Variants in GRID2 observed in about 807,000 individuals in gnomAD.
GRID2 encodes the protein glutamate receptor ionotropic, delta-2.
GRID2 carries 33 observed loss-of-function variants against 114.8 expected under a neutral mutation model. That is an observed-to-expected ratio of 0.29 (90% CI 0.22 to 0.38). GRID2 has a LOEUF of 0.38. GRID2 is among the 10% of genes least tolerant of loss of function. The pLI, the probability that GRID2 is intolerant of heterozygous loss-of-function variation, is 1.00. For missense variants in GRID2, 1,184 were observed against 1,257.7 expected (o/e 0.94, Z 0.89); for synonymous variants, 505 against 449.9 (o/e 1.12, Z -1.55).
At chr4:92,847,472 G>A (rs1352234727) in intron 2 of GRID2, among the ~76,000 whole-genome samples, 1 of 151,798 alleles carries the variant, frequency 6.6e-6, no homozygotes, top group African/African-American at 2.4e-5. Context: ...TTCCTTTCCT[G>A]CTCTTTAATA....
chr4:93,264,757 G>GATATATATATATATATATATAT (rs10567648), intron 8 of GRID2, among the ~76,000 whole-genome samples: 7 of 136,872 alleles, frequency 5.1e-5, no homozygotes, highest in African/African-American at 1.7e-4. Flanking sequence ...TCATTTGAAT[G>GATATATATATATATATATATAT]ATATATATAT....
chr4:92,325,334 T>G (rs190497155), intron 1 of GRID2, among the ~76,000 whole-genome samples: 130 of 152,008 alleles, frequency 8.6e-4, no homozygotes, highest in African/African-American at 2.9e-3. Context: ...GAAACAGATT[T>G]TGAAAGAATG....
chr4:93,789,213 A>C (rs866675649), intron 1 of GRID2, among the ~76,000 whole-genome samples: 1 of 152,222 alleles, frequency 6.6e-6, no homozygotes, highest in Admixed American at 6.5e-5. Flanking sequence ...AGATAGCCAT[A>C]TAAATTATTT....
intron 2 of GRID2, among the ~76,000 whole-genome samples, chr4:92,659,055 A>G (rs1425280209): frequency 4.0e-5 from 6 of 150,386 alleles, no homozygotes; most frequent in Admixed American, 6.7e-5. Context: ...CTGTGCCCCA[A>G]TAGATTACAA....
At chr4:93,084,603 CT>C in intron 2 of GRID2, among the ~76,000 whole-genome samples, 1 of 152,272 alleles carries the variant, frequency 6.6e-6, no homozygotes, top group African/African-American at 2.4e-5. Flanking sequence ...AGGGAATTAT[CT>C]TTTCTCTGAA....
At chr4:92,386,330 G>A (rs186567592) in intron 1 of GRID2, among the ~76,000 whole-genome samples, 2 of 151,792 alleles carry the variant, frequency 1.3e-5, no homozygotes, top group South Asian at 2.1e-4. Context: ...TCATCAAAGT[G>A]TATGTACCAT....
intron 11 of GRID2, among the ~76,000 whole-genome samples, chr4:93,482,256 A>G (rs1454029093): frequency 1.3e-5 from 2 of 152,038 alleles, no homozygotes; most frequent in East Asian, 3.9e-4. Flanking sequence ...TCGCAGCACT[A>G]TTCACAATAG....
At position 93,772,599 on chromosome 4, in the gene GRID2, G is replaced by A; in HGVS notation, c.*101G>A. On this transcript the variant is annotated 3_prime_UTR_variant, in exon 16 of 16. Transcript: ENST00000282020. ...ACATGGATGTAACGTTTAAAAAAAA[G>A]ATCAGGATTATTAGTAACAATTCTA... 1.2e-6 allele frequency: 1 copy of A among 824,006 alleles called. No individual in the cohort carries two copies. Among genetic ancestry groups the A allele is most frequent in the Non-Finnish European group, 1.9e-6 (1 of 529,876 alleles). The allele number at this position is 824,006 out of a possible 1,614,324, so 51.0% of individuals were successfully genotyped here. A position where few individuals can be genotyped will look rare whatever the true frequency, so the allele number is the denominator to read the frequency against.
intron 14 of GRID2, among the ~76,000 whole-genome samples, chr4:93,720,041 AC>A (rs1391134799): frequency 6.6e-6 from 1 of 152,182 alleles, no homozygotes; most frequent in African/African-American, 2.4e-5. Flanking sequence ...TCCTTAAATA[AC>A]AAATCTCATA....
intron 2 of GRID2, among the ~76,000 whole-genome samples, chr4:92,620,458 A>G (rs1560493775): frequency 6.6e-6 from 1 of 151,782 alleles, no homozygotes; most frequent in Non-Finnish European, 1.5e-5. Flanking sequence ...AACTTATTAT[A>G]TATCTGGGAC....
chr4:92,701,121 T>G (rs986226440), intron 2 of GRID2, among the ~76,000 whole-genome samples: 1 of 152,202 alleles, frequency 6.6e-6, no homozygotes, highest in African/African-American at 2.4e-5. Context: ...GGAGGTGAAT[T>G]AACCTTCCTT....
At chr4:93,794,824 T>C (rs1027889346) in intron 1 of GRID2, among the ~76,000 whole-genome samples, 1 of 152,218 alleles carries the variant, frequency 6.6e-6, no homozygotes, top group East Asian at 1.9e-4. Flanking sequence ...GTTGTTCTAC[T>C]AGGATATTCT....
intron 14 of GRID2, among the ~76,000 whole-genome samples, chr4:93,761,945 G>A (rs1040359899): frequency 3.9e-5 from 6 of 152,152 alleles, no homozygotes; most frequent in Non-Finnish European, 1.5e-5. Flanking sequence ...CAATCAAAGT[G>A]CCACTATGCT....
In GRID2 at chr4:93,411,520, C is replaced by T. The variant is rs143201928; in HGVS notation, c.1348-11251C>T. On this transcript the variant is annotated intron_variant, in intron 9 of 15. Coordinates refer to ENST00000282020, the MANE Select transcript of GRID2 (RefSeq NM_001510.4). ...CGTGGTCCTAGCTCACTGCAACCTCCGCCTCCCGGGTTCAAGCGATTCTCC... is the reference window on the plus strand; with the variant it reads ...CGTGGTCCTAGCTCACTGCAACCTCTGCCTCCCGGGTTCAAGCGATTCTCC... 9.0e-4 allele frequency among the ~76,000 whole-genome samples: 136 copies of T among 151,758 alleles called. 1 individual carries two copies. The highest frequency in any genetic ancestry group is 2.9e-3 in the African/African-American group (119 of 41,390).
At chr4:92,573,557 A>C (rs1436145206) in intron 1 of GRID2, among the ~76,000 whole-genome samples, 2 of 152,074 alleles carry the variant, frequency 1.3e-5, no homozygotes, top group African/African-American at 2.4e-5. Context: ...TTCTACCTTA[A>C]TTTCATTATT....
In GRID2 at chr4:93,063,508, A is replaced by G. The variant is rs201855688; in HGVS notation, c.245-21487A>G. Among the ~76,000 whole-genome samples, 10 of 151,900 alleles carry G rather than the reference A, an allele frequency of 6.6e-5. No individual in the cohort carries two copies. The East Asian group carries it at 1.9e-3, about 29-fold the overall frequency. ...CCACTTACACAGCCTATACATGGAT[A>G]TACTCAAATGTATAGAGTAAAACAT... On this transcript the variant is annotated intron_variant, in intron 2 of 15. Transcript: ENST00000282020.
chr4:93,100,881 A>T (rs1415657950), intron 3 of GRID2, among the ~76,000 whole-genome samples: 2 of 152,080 alleles, frequency 1.3e-5, no homozygotes, highest in Non-Finnish European at 2.9e-5. Context: ...CAGACTGAGA[A>T]TTACTATTTT....
chr4:93,305,740 C>T (rs1755349757), intron 8 of GRID2, among the ~76,000 whole-genome samples: 1 of 152,148 alleles, frequency 6.6e-6, no homozygotes, highest in Non-Finnish European at 1.5e-5. Context: ...GAGCAGCCAG[C>T]ATAATTTCTT....
intron 2 of GRID2, among the ~76,000 whole-genome samples, chr4:92,958,917 T>G (rs1437199574): frequency 6.6e-6 from 1 of 151,940 alleles, no homozygotes; most frequent in African/African-American, 2.4e-5. Flanking sequence ...TTTCAAGGAG[T>G]AGGTCTGTTT....
Sources: allele counts gnomAD v4.1 joint callset (sites outside exome capture counted in the v4.1 genomes callset), GRCh38; gene constraint gnomAD v4.1.1; transcripts MANE v1.5; gene names NCBI Gene and HGNC (gene_info 2026-07-23, HGNC 2026-07-21).